SLC20A2: variants seen among roughly 807,000 people sequenced by gnomAD.
SLC20A2 encodes the protein solute carrier family 20 member 2.
SLC20A2 carries 30 observed loss-of-function variants against 61.0 expected under a neutral mutation model. That is an observed-to-expected ratio of 0.49 (90% CI 0.37 to 0.67). The LOEUF (loss-of-function observed/expected upper bound fraction) is 0.67, where lower values mean the gene tolerates loss of function less well. Among genes scored for constraint, SLC20A2 ranks in the 30% least tolerant of loss-of-function variants. The pLI, the probability that SLC20A2 is intolerant of heterozygous loss-of-function variation, is 0.00. For synonymous variants in SLC20A2, 351 were observed against 353.3 expected, an observed-to-expected ratio of 0.99 and a Z score of 0.07; for missense variants, 626 against 866.4, an observed-to-expected ratio of 0.72 and a Z score of 3.48.
intron 1 of SLC20A2, among the ~76,000 whole-genome samples, chr8:42,540,357 T>C (rs1399856583): frequency 6.6e-6 from 1 of 152,204 alleles, no homozygotes; most frequent in Non-Finnish European, 1.5e-5. Flanking sequence ...CAAACTCACG[T>C]ATTCAAATTT....
Position 42,437,487 on chromosome 8 carries a change from T to A in SLC20A2, c.1025A>T (p.His342Leu). The A allele has an allele frequency of 1.9e-6, 3 of 1,614,172 alleles. No homozygotes were observed. Among genetic ancestry groups the A allele is most frequent in the East Asian group, 2.2e-5 (1 of 44,884 alleles). ...GTCTTTGTGCACGGTGTGGTACACA[T>A]GACCGTCGCTCCTGGTGTGGCCGTC... ...GFDGHTRSDG[H>L]VYHTVHKDSG... Residue 342 changes from histidine (H) to leucine (L), a missense_variant, in exon 8 of 11, where the codon CAT becomes CTT. His to Leu is a moderately conservative substitution (Grantham distance 99). Transcript: ENST00000520262. The surrounding 1 kb of genome is among the most constrained non-coding windows in gnomAD (Gnocchi z 6.4).
At chr8:42,450,521 G>A (rs1237600513) in intron 5 of SLC20A2, among the ~76,000 whole-genome samples, 8 of 148,358 alleles carry the variant, frequency 5.4e-5, no homozygotes, top group South Asian at 4.3e-4. Flanking sequence ...GAGCCACTGC[G>A]CCCGGCCTCT....
intron 1 of SLC20A2, among the ~76,000 whole-genome samples, chr8:42,500,638 G>A (rs1225518726): frequency 6.6e-6 from 1 of 152,140 alleles, no homozygotes; most frequent in African/African-American, 2.4e-5. Context: ...GTAGCACAGA[G>A]TATAACAGGA....
At chr8:42,509,722 C>T (rs1563536737) in intron 1 of SLC20A2, among the ~76,000 whole-genome samples, 1 of 152,026 alleles carries the variant, frequency 6.6e-6, no homozygotes, top group Non-Finnish European at 1.5e-5. Context: ...CCAATGCATT[C>T]CAGCCCGGGC....
chr8:42,426,128 T>C (rs1803396217), intron 10 of SLC20A2, among the ~76,000 whole-genome samples: 1 of 152,230 alleles, frequency 6.6e-6, no homozygotes, highest in Non-Finnish European at 1.5e-5. Flanking sequence ...AAACTGGATG[T>C]AAATCTCTTA....
intron 1 of SLC20A2, among the ~76,000 whole-genome samples, chr8:42,497,765 G>A (rs945403843): frequency 2.0e-5 from 3 of 150,284 alleles, no homozygotes; most frequent in African/African-American, 7.4e-5. Flanking sequence ...CTTTGTTGTG[G>A]AGCCATGAAC....
rs483352733 is a variant in SLC20A2, at chr8:42,465,854, A to G, written c.353T>C (p.Ile118Thr). ...LRLPISGTHC[I>T]VGSTIGFSLV... is the part of the protein sequence containing the mutation. ...TGAGAATCCTATAGTAGAACCCACA[A>G]TGCAGTGCGTTCCTGAGATTGGAAG... The change falls in exon 3 of 11, where the codon ATT becomes ACT. Residue 118 changes from isoleucine to threonine, a missense_variant. Transcript: ENST00000520262. 1.9e-6 allele frequency: 3 copies of G among 1,613,432 alleles called. No homozygotes were observed. The highest frequency in any genetic ancestry group is 1.7e-6 in the Non-Finnish European group (2 of 1,179,520).
chr8:42,433,570 G>A lies in SLC20A2; in HGVS notation c.1524-3321C>T, dbSNP rs150817022. Among the ~76,000 whole-genome samples the A allele has an allele frequency of 7.1e-4, 108 of 152,246 alleles. 1 individual carries two copies. The East Asian group carries it at 0.02, about 28-fold the overall frequency. On this transcript the variant is annotated intron_variant, in intron 8 of 10. Transcript: ENST00000520262. ...GATCTCCTGACCTCATGATCCGCCC[G>A]CCTCAGCCTCCCAAAGTGCTGGGAT...
intron 1 of SLC20A2, among the ~76,000 whole-genome samples, chr8:42,516,725 A>G (rs1811340357): frequency 6.6e-6 from 1 of 152,190 alleles, no homozygotes; most frequent in South Asian, 2.1e-4. Context: ...AGTTCCTGAT[A>G]TGACTTCCTT....
intron 10 of SLC20A2, among the ~76,000 whole-genome samples, chr8:42,427,108 A>G (rs892899869): frequency 3.3e-5 from 5 of 152,308 alleles, no homozygotes; most frequent in Non-Finnish European, 4.4e-5. Context: ...TTCCTTCCCC[A>G]TGCTTGCCAG....
intron 5 of SLC20A2, among the ~76,000 whole-genome samples, chr8:42,451,951 T>G (rs1337018000): frequency 1.7e-3 from 82 of 47,344 alleles, no homozygotes; most frequent in Admixed American, 2.8e-3. Context: ...GAGGAAGAGA[T>G]GAAGAGGAGG....
At chr8:42,528,252 G>A (rs578121533) in intron 1 of SLC20A2, among the ~76,000 whole-genome samples, 5 of 152,232 alleles carry the variant, frequency 3.3e-5, no homozygotes, top group African/African-American at 1.2e-4. Context: ...ACGAGGTCAG[G>A]AGATCGAGAC....
chr8:42,439,204 G>A (rs548878865), intron 7 of SLC20A2, among the ~76,000 whole-genome samples: 1 of 152,340 alleles, frequency 6.6e-6, no homozygotes, highest in East Asian at 1.9e-4. Flanking sequence ...ACAGTGCGTG[G>A]CCCCAGTGCC....
chr8:42,502,471 T>C (rs1043115666), upstream of SLC20A2: 3 of 152,274 alleles, frequency 2.0e-5, no homozygotes, highest in Admixed American at 6.5e-5. Flanking sequence ...CCCTAAAACA[T>C]GGCGATGCCC....
intron 1 of SLC20A2, among the ~76,000 whole-genome samples, chr8:42,517,388 T>A (rs1276143296): frequency 6.7e-6 from 1 of 148,826 alleles, no homozygotes; most frequent in Non-Finnish European, 1.5e-5. Context: ...AAAACAATAA[T>A]AAAATAAATA....
chr8:42,467,792 C>G (rs73631799), intron 2 of SLC20A2, among the ~76,000 whole-genome samples: 22,754 of 152,238 alleles, frequency 0.15, 3,899 homozygotes, highest in African/African-American at 0.42. Context: ...CCGCGGACAC[C>G]TCCTTAAGCC....
intron 10 of SLC20A2, among the ~76,000 whole-genome samples, chr8:42,419,270 T>G (rs1366152958): frequency 1.3e-5 from 2 of 152,100 alleles, no homozygotes; most frequent in Non-Finnish European, 2.9e-5. Flanking sequence ...ACGATGGCTA[T>G]AAAATGGTGA....
intron 5 of SLC20A2, among the ~76,000 whole-genome samples, chr8:42,447,474 G>A (rs539818145): frequency 2.0e-5 from 3 of 152,188 alleles, no homozygotes; most frequent in South Asian, 2.1e-4. Flanking sequence ...TCAGGAGATG[G>A]AGACCATCCT....
chr8:42,533,419 C>G (rs1812465671), intron 1 of SLC20A2, among the ~76,000 whole-genome samples: 1 of 152,036 alleles, frequency 6.6e-6, no homozygotes, highest in African/African-American at 2.4e-5. Flanking sequence ...AGTTCAAGAC[C>G]AGCCTGGCCA....
Sources: gnomAD v4.1 joint callset for allele counts (sites outside exome capture counted in the v4.1 genomes callset) on GRCh38, gnomAD v4.1.1 for gene constraint, Gnocchi (gnomAD v3.1) non-coding constraint, MANE v1.5 for transcripts, NCBI Gene and HGNC (gene_info 2026-07-23, HGNC 2026-07-21) for gene names.